Variants in NOC3L observed in about 807,000 individuals in gnomAD.
NOC3L encodes the protein NOC3 like DNA replication regulator.
In NOC3L, 85 loss-of-function variants were observed where a neutral mutation model predicts 102.5. The ratio of observed to expected loss-of-function variants is 0.83; its 90% CI spans 0.70 to 0.99. The LOEUF (loss-of-function observed/expected upper bound fraction) is 0.99, where lower values mean the gene tolerates loss of function less well. NOC3L is among the 50% of genes least tolerant of loss of function. NOC3L has a pLI of 0.00. For synonymous variants in NOC3L, 303 were observed against 309.4 expected (o/e 0.98, Z 0.22); for missense variants, 878 against 914.9 (o/e 0.96, Z 0.52).
chr10:94,346,053 A>T (rs1361982551), intron 11 of NOC3L, among the ~76,000 whole-genome samples: 1 of 152,240 alleles, frequency 6.6e-6, no homozygotes, highest in Non-Finnish European at 1.5e-5. Flanking sequence ...TTTAAAATAC[A>T]AACCAACAAA....
intron 12 of NOC3L, 105 bp downstream of exon 12, chr10:94,344,748 T>C (rs534372243): frequency 2.2e-6 from 2 of 924,998 alleles, no homozygotes; most frequent in South Asian, 1.7e-5. Flanking sequence ...CATCTAAGCC[T>C]CATGAAAGAA....
At chr10:94,350,816 A>G (rs2054407298) in intron 8 of NOC3L, among the ~76,000 whole-genome samples, 1 of 152,014 alleles carries the variant, frequency 6.6e-6, no homozygotes, top group South Asian at 2.1e-4. Flanking sequence ...CACATATAGG[A>G]GTCAATTGAG....
rs781446479 is a variant in NOC3L at position 94,358,176 on chromosome 10, G to GCTT, written c.254_256dup (p.Glu85dup). ...TTCATCCATCATATCTAAAGGAAGG[G>GCTT]CTTCTTCTTCTTCCTCTTCTTCCCT... On this transcript the variant is annotated inframe_insertion, in exon 3 of 21. Transcript: ENST00000371361. The GCTT allele has an allele frequency of 6.2e-7, 1 of 1,606,332 alleles. No individual in the cohort carries two copies. The highest frequency in any genetic ancestry group is 2.2e-5 in the East Asian group (1 of 44,844).
At chr10:94,349,116 T>A (rs1201754456) in intron 10 of NOC3L, 134 bp downstream of exon 10, 6 of 888,276 alleles carry the variant, frequency 6.8e-6, no homozygotes, top group Non-Finnish European at 9.9e-6. Flanking sequence ...ATTTCAGGAG[T>A]TGACATGTTA....
chr10:94,321,944 T>C, the NOC3L span: 1 of 1,613,964 alleles, frequency 6.2e-7, no homozygotes, highest in Non-Finnish European at 8.5e-7. Flanking sequence ...AAAGAGGTGA[T>C]CTTGAGCTCA....
At chr10:94,316,494 AT>A in the NOC3L span, 2 of 1,142,718 alleles carry the variant, frequency 1.8e-6, no homozygotes, top group Non-Finnish European at 2.6e-6. Context: ...ATGAAAGTTG[AT>A]TTGTTTTAAG....
chr10:94,362,932 A>G lies in NOC3L; in HGVS notation c.-94T>C, dbSNP rs1349813383. The G allele has an allele frequency of 2.5e-6, 4 of 1,596,474 alleles. No homozygotes were observed. The highest frequency in any genetic ancestry group is 2.2e-5 in the South Asian group (2 of 90,694). Reference sequence around the variant, plus strand: ...GAATGACACACGTGCCGAAGTCCCTACACTACCAGAGCCGGAAACGGCCTT... The same window carrying G: ...GAATGACACACGTGCCGAAGTCCCTGCACTACCAGAGCCGGAAACGGCCTT... On this transcript the variant is annotated 5_prime_UTR_variant, in exon 1 of 21. Coordinates refer to ENST00000371361, the MANE Select transcript of NOC3L (RefSeq NM_022451.11).
intron 3 of NOC3L, 80 bp from the exon 4 acceptor site, chr10:94,357,411 G>C (rs2054501825): frequency 7.8e-7 from 1 of 1,286,050 alleles, no homozygotes; most frequent in East Asian, 2.7e-5. Context: ...CAAAAGTACA[G>C]AAAAACCACC....
chr10:94,321,906 A>G, the NOC3L span: 91 of 1,612,396 alleles, frequency 5.6e-5, no homozygotes, highest in Admixed American at 1.5e-3. Flanking sequence ...CATAGAACCT[A>G]GAAGAGAAAA....
chr10:94,328,202 G>A, the NOC3L span: 15 of 314,208 alleles, frequency 4.8e-5, no homozygotes, highest in East Asian at 2.3e-4. Context: ...AAATCGTCAC[G>A]AATTGACTTA....
At position 94,346,539 on chromosome 10, in the gene NOC3L, T is replaced by C; in HGVS notation, c.1275A>G (p.Leu425=). ...CTTCTACTTCCTTGATTCTTAGGCA[T>C]AAAAATGTTTTTAACATCTAATATT... ...EVRPEMLKTF[L]CLRIKEVEVK... The change falls in exon 11 of 21, where the codon TTA becomes TTG. Residue 425 remains leucine (L), a synonymous_variant. Coordinates refer to ENST00000371361, the MANE Select transcript of NOC3L (RefSeq NM_022451.11). The C allele has an allele frequency of 7.1e-7, 1 of 1,410,152 alleles. No individual in the cohort carries two copies. The highest frequency in any genetic ancestry group is 9.5e-7 in the Non-Finnish European group (1 of 1,053,368). 87.4% of individuals were successfully genotyped at this position (1,410,152 alleles called of 1,614,324 possible). A position where few individuals can be genotyped will look rare whatever the true frequency, so the allele number is the denominator to read the frequency against.
At position 94,346,286 on chromosome 10, in the gene NOC3L, A is replaced by T. The variant is rs1053073261; in HGVS notation, c.1389+139T>A. ...AACATTTCTTTGCAGTAACAGGAAAAGATAAAATTCTCTAAATGATGTATT... is the reference window on the plus strand; with the variant it reads ...AACATTTCTTTGCAGTAACAGGAAATGATAAAATTCTCTAAATGATGTATT... On this transcript the variant is annotated intron_variant, in intron 11 of 20. Coordinates refer to ENST00000371361, the MANE Select transcript of NOC3L (RefSeq NM_022451.11). 1.9e-5 allele frequency: 10 copies of T among 522,106 alleles called. No individual in the cohort carries two copies. The African/African-American group carries it at 2.0e-4, about 11-fold the overall frequency. 32.3% of individuals were successfully genotyped at this position (522,106 alleles called of 1,614,324 possible).
chr10:94,344,511 G>A lies in NOC3L; in HGVS notation c.1475C>T (p.Thr492Ile), dbSNP rs1430513691. The stretch of plus-strand genomic sequence containing the variant: ...TACAAACACAATATTCAGAGTCTCT[G>A]TGTGCTGGCAGAGGAGACAGACAAA... ...ESTEKKLKLH[T>I]ETLNIVFVTY... The change falls in exon 13 of 21, where the codon ACA (threonine) becomes ATA (isoleucine). Residue 492 changes from threonine to isoleucine, a missense_variant. Transcript: ENST00000371361. 3 of 1,609,968 alleles carry A rather than the reference G, an allele frequency of 1.9e-6. No individual in the cohort carries two copies. In the South Asian group the frequency reaches 3.3e-5, roughly 18 times the overall value.
intron 20 of NOC3L, 75 bp downstream of exon 20, chr10:94,334,559 G>T: frequency 9.3e-7 from 1 of 1,069,548 alleles, no homozygotes; most frequent in Non-Finnish European, 1.4e-6. Context: ...AAATAATTAA[G>T]CAAACTGGAG....
rs776987827 is a variant in NOC3L, at chr10:94,357,207, T to C, written c.475A>G (p.Ser159Gly). The C allele has an allele frequency of 1.2e-6, 2 of 1,600,178 alleles. No individual in the cohort carries two copies. Among genetic ancestry groups the C allele is most frequent in the South Asian group, 1.1e-5 (1 of 88,172 alleles). The change falls in exon 4 of 21, where the codon AGT becomes GGT. Residue 159 changes from serine to glycine, a missense_variant. Ser to Gly is a moderately conservative substitution (Grantham distance 56). Transcript: ENST00000371361. Reference sequence around the variant, plus strand: ...TCCCTAGTCTGTGGGATTATACCACTTTTATCTTTGATAGGAAGTAAATGA... The same window carrying C: ...TCCCTAGTCTGTGGGATTATACCACCTTTATCTTTGATAGGAAGTAAATGA... ...LIHLLPIKDKSGIIPQTREKP... is the reference protein window; with the variant it reads ...LIHLLPIKDKGGIIPQTREKP...
chr10:94,343,381 T>G, intron 13 of NOC3L, among the ~76,000 whole-genome samples: 1 of 152,138 alleles, frequency 6.6e-6, no homozygotes, highest in East Asian at 1.9e-4. Flanking sequence ...TGTCTCTATT[T>G]AAAAACAAAA....
the NOC3L span, chr10:94,325,086 G>A: frequency 6.2e-7 from 1 of 1,613,608 alleles, no homozygotes; most frequent in Admixed American, 1.7e-5. Context: ...AGTGACTAAG[G>A]GCAGCATGTT....
chr10:94,352,181 G>A lies in NOC3L; in HGVS notation c.952+129C>T, dbSNP rs1589574460. 3.5e-5 allele frequency: 19 copies of A among 546,948 alleles called. No homozygotes were observed. The East Asian group carries it at 6.1e-4, about 17-fold the overall frequency. The allele number at this position is 546,948 out of a possible 1,614,324, so 33.9% of individuals were successfully genotyped here. A position where few individuals can be genotyped will look rare whatever the true frequency, so the allele number is the denominator to read the frequency against. On this transcript the variant is annotated intron_variant, in intron 8 of 20. Transcript: ENST00000371361. ...TGGTGGAGCCAGGATTTGACCCCTG[G>A]AAGTCTGACTCTAGATTCTGTTCCT...
chr10:94,315,235 C>T, the NOC3L span: 2 of 339,152 alleles, frequency 5.9e-6, no homozygotes, highest in Non-Finnish European at 1.2e-5. Context: ...AGAACCTTCA[C>T]TCCCACTGCC....
Sources: allele counts gnomAD v4.1 joint callset (sites outside exome capture counted in the v4.1 genomes callset), GRCh38; gene constraint gnomAD v4.1.1; transcripts MANE v1.5; gene names NCBI Gene and HGNC (gene_info 2026-07-23, HGNC 2026-07-21).